Variants in MROH2A observed in about 807,000 individuals in gnomAD.
The protein encoded by MROH2A is maestro heat-like repeat-containing protein family member 2A.
A neutral mutation model predicts 200.4 loss-of-function variants in MROH2A; 174 were observed. The ratio of observed to expected loss-of-function variants is 0.87; its 90% CI spans 0.77 to 0.98. The LOEUF (loss-of-function observed/expected upper bound fraction) is 0.98, where lower values mean the gene tolerates loss of function less well. Among genes scored for constraint, MROH2A ranks in the 50% least tolerant of loss-of-function variants. The probability of loss-of-function intolerance (pLI) is 0.00; values close to 1 mark genes in which losing one functional copy is unlikely to be tolerated. For synonymous variants in MROH2A, 829 were observed against 840.4 expected, an observed-to-expected ratio of 0.99 and a Z score of 0.23; for missense variants, 2,045 against 2,139.6, an observed-to-expected ratio of 0.96 and a Z score of 0.87.
rs1574631658 is a variant in MROH2A, at chr2:233,833,173, G to A, written c.4939G>A (p.Val1647Ile). The change falls in exon 42 of 42, where the codon GTC becomes ATC. Residue 1647 changes from valine (V) to isoleucine (I), a missense_variant. Around this residue, in one of 3 missense-constraint regions of MROH2A, gnomAD observed 1,201 missense variants for 1,311.3 expected, o/e 0.92. Transcript: ENST00000389758. ...ACTACAGCTGGACCCGGATCCCGGG[G>A]TCAGGAGGGCAGCCCTGGAGACGCT... is the stretch of plus-strand genomic sequence containing the variant. ...QELQLDPDPG[V>I]RRAALETLTV... 3.9e-6 allele frequency: 6 copies of A among 1,550,028 alleles called. No homozygotes were observed. The East Asian group carries it at 1.5e-4, about 38-fold the overall frequency.
rs1704525709 is a variant in MROH2A, at chr2:233,828,980, G to T, written c.4354G>T (p.Ala1452Ser). ...CAGCGTGACTGCCGAGGGCATGGAG[G>T]CCCTGACCAAGATCCTGGCTGAGCT... Reference protein sequence around the residue: ...SNSVTAEGMEALTKILAELRE... With the variant: ...SNSVTAEGMESLTKILAELRE... Residue 1452 changes from alanine to serine, a missense_variant, in exon 37 of 42, where the codon GCC (alanine) becomes TCC (serine). Around this residue, in one of 3 missense-constraint regions of MROH2A, gnomAD observed 1,201 missense variants for 1,311.3 expected, o/e 0.92. Coordinates refer to ENST00000389758, the MANE Select transcript of MROH2A (RefSeq NM_001394639.1). This position sits in a 1 kb window ranked among gnomAD's most constrained non-coding sequence, Gnocchi z 4.6. 2 of 1,550,544 alleles carry T rather than the reference G, an allele frequency of 1.3e-6. No homozygotes were observed. The highest frequency in any genetic ancestry group is 3.3e-4 in the Middle Eastern group (2 of 5,992).
Position 233,831,480 on chromosome 2 carries a change from A to G in MROH2A, c.4674A>G (p.Pro1558=). The G allele has an allele frequency of 1.9e-6, 3 of 1,550,510 alleles. No individual in the cohort carries two copies. In the South Asian group the frequency reaches 3.6e-5, roughly 18 times the overall value. ...AGTCCCTGGAGCATCCCTCAGGGCC[A>G]AGTGATACCGCTACTGATGACAAGA... ...GWKSLEHPSG[P]SDTATDDKMT... is the part of the protein sequence containing the mutation. The change falls in exon 39 of 42, where the codon CCA becomes CCG. Residue 1558 remains proline (P), a synonymous_variant. Transcript: ENST00000389758.
intron 11 of MROH2A, among the ~76,000 whole-genome samples, chr2:233,796,541 C>T (rs186071748): frequency 1.3e-5 from 2 of 152,190 alleles, no homozygotes; most frequent in African/African-American, 4.8e-5. Context: ...ATTGTTAACC[C>T]GAATCCTCCT....
rs1250539153 is a variant in MROH2A, at chr2:233,832,616, A to G, written c.4875A>G (p.Lys1625=). Residue 1625 remains lysine, a synonymous_variant, in exon 41 of 42, where the codon AAA becomes AAG. Coordinates refer to ENST00000389758, the MANE Select transcript of MROH2A (RefSeq NM_001394639.1). ...IMKQMSTHYL[K]KLDFPALRNS... is the part of the protein sequence containing the mutation. ...AGCAGATGTCTACACATTATCTGAA[A>G]AAGCTGGACTTCCCAGCATTACGGA... The G allele has an allele frequency of 6.5e-7, 1 of 1,550,122 alleles. No individual in the cohort carries two copies. Among genetic ancestry groups the G allele is most frequent in the Admixed American group, 2.0e-5 (1 of 51,000 alleles).
intron 3 of MROH2A, among the ~76,000 whole-genome samples, chr2:233,787,658 T>A (rs1481426363): frequency 1.4e-5 from 1 of 70,404 alleles, no homozygotes; most frequent in African/African-American, 7.8e-5. Flanking sequence ...CATATATACA[T>A]ATATATTATA....
chr2:233,807,024 T>G lies in MROH2A; in HGVS notation c.2053-399T>G, dbSNP rs1702836482. ...ATCCTCATAGCTTAGCTCCCACTTATGAGTGAGAACATACGACGTTTGGTT... is the reference window on the plus strand; with the variant it reads ...ATCCTCATAGCTTAGCTCCCACTTAGGAGTGAGAACATACGACGTTTGGTT... On this transcript the variant is annotated intron_variant, in intron 19 of 41. Coordinates refer to ENST00000389758, the MANE Select transcript of MROH2A (RefSeq NM_001394639.1). The surrounding 1 kb of genome is among the most constrained non-coding windows in gnomAD (Gnocchi z 4.3). Among the ~76,000 whole-genome samples the G allele has an allele frequency of 2.6e-5, 4 of 152,264 alleles. No individual in the cohort carries two copies. In the South Asian group the frequency reaches 8.3e-4, roughly 32 times the overall value.
intron 8 of MROH2A, among the ~76,000 whole-genome samples, chr2:233,795,430 G>A (rs17864714): frequency 0.027 from 4,173 of 152,316 alleles, 86 homozygotes; most frequent in Middle Eastern, 0.054. Flanking sequence ...GCCTAGCGCA[G>A]CACTTCCCAA....
rs930450394 is a variant in MROH2A, at chr2:233,818,081, G to A, written c.3041G>A (p.Arg1014His). ...ACCTGTGATGCCCATCAAAGAACCCGCATGGCCTCAATGAATGTCCTGTCC... is the reference window on the plus strand; with the variant it reads ...ACCTGTGATGCCCATCAAAGAACCCACATGGCCTCAATGAATGTCCTGTCC... Reference protein sequence around the residue: ...PCTCDAHQRTRMASMNVLSSL... With the variant: ...PCTCDAHQRTHMASMNVLSSL... Residue 1014 changes from arginine (R) to histidine (H), a missense_variant, in exon 28 of 42, where the codon CGC (arginine) becomes CAC (histidine). Physicochemically the swap from Arg to His is conservative, Grantham distance 29. Around this residue, in one of 3 missense-constraint regions of MROH2A, gnomAD observed 1,201 missense variants for 1,311.3 expected, o/e 0.92. Coordinates refer to ENST00000389758, the MANE Select transcript of MROH2A (RefSeq NM_001394639.1). The A allele has an allele frequency of 4.6e-5, 71 of 1,550,788 alleles. No individual in the cohort carries two copies. Among genetic ancestry groups the A allele is most frequent in the Non-Finnish European group, 5.1e-5 (59 of 1,147,080 alleles).
chr2:233,818,896 C>T (rs1192227486), intron 29 of MROH2A, 126 bp downstream of exon 29: 1 of 637,248 alleles, frequency 1.6e-6, no homozygotes, highest in African/African-American at 1.8e-5. Flanking sequence ...GCTTCCACGG[C>T]CTTTGGCCCA....
chr2:233,808,522 T>G (rs1007803975), intron 21 of MROH2A, among the ~76,000 whole-genome samples: 4 of 152,086 alleles, frequency 2.6e-5, no homozygotes, highest in African/African-American at 4.8e-5. Flanking sequence ...GGGGTCTGGT[T>G]GTTTGGATGA....
Position 233,807,436 on chromosome 2 carries a change from G to T in MROH2A, c.2066G>T (p.Arg689Leu). Residue 689 changes from arginine to leucine, a missense_variant, in exon 20 of 42, where the codon CGG becomes CTG. Arg to Leu is a moderately radical substitution (Grantham distance 102, BLOSUM62 -2). Transcript: ENST00000389758. This position sits in a 1 kb window ranked among gnomAD's most constrained non-coding sequence, Gnocchi z 4.3. ...SPSLEKGFLY[R>L]ALGFTLATGL... ...CTGCCTCTCCAGGGCTTTCTGTACCGGGCCTTGGGCTTCACCTTGGCCACA... is the reference window on the plus strand; with the variant it reads ...CTGCCTCTCCAGGGCTTTCTGTACCTGGCCTTGGGCTTCACCTTGGCCACA... 4 of 1,550,452 alleles carry T rather than the reference G, an allele frequency of 2.6e-6. No individual in the cohort carries two copies. Among genetic ancestry groups the T allele is most frequent in the Non-Finnish European group, 3.5e-6 (4 of 1,146,936 alleles).
In MROH2A at chr2:233,804,477, A is replaced by G. The variant is rs1702668520; in HGVS notation, c.1892-18A>G. The G allele has an allele frequency of 1.3e-6, 2 of 1,551,148 alleles. No individual in the cohort carries two copies. The highest frequency in any genetic ancestry group is 1.7e-6 in the Non-Finnish European group (2 of 1,147,020). ...GTGGAAGAAAGTGGCATGTGTGACCATACATGTGTTCCTGCAGAACATACT... is the reference window on the plus strand; with the variant it reads ...GTGGAAGAAAGTGGCATGTGTGACCGTACATGTGTTCCTGCAGAACATACT... On this transcript the variant is annotated intron_variant, in intron 17 of 41. Transcript: ENST00000389758.
In MROH2A at chr2:233,829,013, G is replaced by A; in HGVS notation, c.4387G>A (p.Gly1463Arg). 4 of 1,550,148 alleles carry A rather than the reference G, an allele frequency of 2.6e-6. No individual in the cohort carries two copies. Among genetic ancestry groups the A allele is most frequent in the Non-Finnish European group, 3.5e-6 (4 of 1,146,804 alleles). The change falls in exon 37 of 42, where the codon GGG becomes AGG. Residue 1463 changes from glycine (G) to arginine (R), a missense_variant. Around this residue, in one of 3 missense-constraint regions of MROH2A, gnomAD observed 1,201 missense variants for 1,311.3 expected, o/e 0.92. Coordinates refer to ENST00000389758, the MANE Select transcript of MROH2A (RefSeq NM_001394639.1). ...CAAGATCCTGGCTGAGCTCCGGGAA[G>A]GGGATGTGGGGTCCTCTTTCGACGC... Reference protein sequence around the residue: ...LTKILAELREGDVGSSFDAMS... With the variant: ...LTKILAELRERDVGSSFDAMS...
intron 3 of MROH2A, among the ~76,000 whole-genome samples, chr2:233,786,646 G>A (rs182289599): frequency 6.8e-4 from 104 of 152,282 alleles, no homozygotes; most frequent in African/African-American, 2.4e-3. Flanking sequence ...CTATCTCTAG[G>A]AACTGGCTAG....
chr2:233,827,879 AT>A (rs1704422592), intron 35 of MROH2A, among the ~76,000 whole-genome samples: 1 of 152,100 alleles, frequency 6.6e-6, no homozygotes, highest in East Asian at 1.9e-4. Flanking sequence ...CCTGAAGAGC[AT>A]TTAAAATAGG....
intron 12 of MROH2A, 115 bp from the exon 13 acceptor site, chr2:233,799,665 C>A: frequency 7.6e-7 from 1 of 1,323,842 alleles, no homozygotes; most frequent in Non-Finnish European, 1.0e-6. Context: ...ATCAGGTAGT[C>A]CCTGAGGCCC....
In MROH2A at chr2:233,794,482, T is replaced by TA; in HGVS notation, c.942_943insA (p.Leu315ThrfsTer97). ...TGCTGCTGGCGGAGTACCAGGGCAG[T>TA]CTGGAGGTGCTCTTCGTCACGCAGG... is the stretch of plus-strand genomic sequence containing the variant. On this transcript the variant is annotated frameshift_variant, in exon 8 of 42. Coordinates refer to ENST00000389758, the MANE Select transcript of MROH2A (RefSeq NM_001394639.1). LOFTEE classifies it high-confidence loss of function. 2.6e-6 allele frequency: 4 copies of TA among 1,546,202 alleles called. No homozygotes were observed. The highest frequency in any genetic ancestry group is 3.5e-6 in the Non-Finnish European group (4 of 1,143,056).
At chr2:233,779,913 C>T (rs1243270220) in intron 3 of MROH2A, 61 bp downstream of exon 3, 14 of 1,325,916 alleles carry the variant, frequency 1.1e-5, no homozygotes, top group Non-Finnish European at 1.5e-5. Context: ...CCATCCACCA[C>T]CCAGCACATA....
intron 15 of MROH2A, 76 bp downstream of exon 15, chr2:233,802,391 C>T (rs1457805007): frequency 2.1e-6 from 3 of 1,442,816 alleles, no homozygotes; most frequent in East Asian, 2.5e-5. Flanking sequence ...CCACCCCTCT[C>T]CACATTCCTC....
Sources: gnomAD v4.1 joint callset for allele counts (sites outside exome capture counted in the v4.1 genomes callset) on GRCh38, gnomAD v4.1.1 for gene constraint, gnomAD v4.1.1 regional missense constraint, Gnocchi (gnomAD v3.1) non-coding constraint, MANE v1.5 for transcripts, NCBI Gene and HGNC (gene_info 2026-07-23, HGNC 2026-07-21) for gene names.